The following TBATA variants were observed in gnomAD, a reference collection of about 807,000 sequenced individuals.
TBATA encodes the protein thymus, brain and testes associated.
Under a neutral mutation model 38.7 loss-of-function variants are expected in TBATA, and 47 were observed. The observed-to-expected ratio is 1.21, with a 90% confidence interval of 0.96 to 1.55. TBATA has a LOEUF of 1.55. Ranked by LOEUF, TBATA falls within the 40% of genes most tolerant of loss-of-function variation. TBATA has a pLI of 0.00. For synonymous variants in TBATA, 183 were observed against 170.5 expected, an observed-to-expected ratio of 1.07 and a Z score of -0.57; for missense variants, 436 against 435.6, an observed-to-expected ratio of 1.00 and a Z score of -0.01.
In TBATA at chr10:70,783,452, C is replaced by T; in HGVS notation, c.-73G>A. The T allele has an allele frequency of 2.6e-6, 4 of 1,549,528 alleles. No homozygotes were observed. Among genetic ancestry groups the T allele is most frequent in the Non-Finnish European group, 3.6e-6 (4 of 1,123,930 alleles). On this transcript the variant is annotated 5_prime_UTR_variant, in exon 3 of 11. In the 5' UTR this introduces an upstream ATG that the reference lacks. Coordinates refer to ENST00000456372, the MANE Select transcript of TBATA (RefSeq NM_001318241.2). Reference sequence around the variant, plus strand: ...TGAGGATGCAGAACAGGAACTCTCACTTAATACTAGTGTTGAGGATGCAGA... The same window carrying T: ...TGAGGATGCAGAACAGGAACTCTCATTTAATACTAGTGTTGAGGATGCAGA...
intron 4 of TBATA, among the ~76,000 whole-genome samples, chr10:70,781,374 G>A (rs6480464): frequency 0.071 from 10,816 of 152,248 alleles, 584 homozygotes; most frequent in African/African-American, 0.15. Context: ...GCTCCAGGAG[G>A]GGGGCCACCA....
intron 5 of TBATA, among the ~76,000 whole-genome samples, chr10:70,778,936 C>T (rs1843772977): frequency 6.6e-6 from 1 of 152,192 alleles, no homozygotes; most frequent in South Asian, 2.1e-4. Flanking sequence ...GTTACCTGTG[C>T]CAAGATGCAC....
Position 70,771,331 on chromosome 10 carries a change from C to A in TBATA, c.*45G>T. ...GTGGAGACAGAAACACCCCTGAACC[C>A]TTGGGGCTGCTCTTGAGCAAGGCAG... On this transcript the variant is annotated 3_prime_UTR_variant, in exon 11 of 11. Transcript: ENST00000456372. 3 of 1,614,026 alleles carry A rather than the reference C, an allele frequency of 1.9e-6. No individual in the cohort carries two copies. The highest frequency in any genetic ancestry group is 2.5e-6 in the Non-Finnish European group (3 of 1,179,914).
intron 4 of TBATA, among the ~76,000 whole-genome samples, chr10:70,781,116 G>C (rs1844159051): frequency 6.6e-6 from 1 of 152,200 alleles, no homozygotes. Context: ...AGCCAGACCA[G>C]CTTCTGCTTC....
chr10:70,773,484 G>A (rs1056998867), intron 9 of TBATA, among the ~76,000 whole-genome samples: 34 of 140,648 alleles, frequency 2.4e-4, no homozygotes, highest in African/African-American at 7.5e-4. Context: ...GCTTCACCCC[G>A]GCCTGCTATG....
In TBATA at chr10:70,781,881, G is replaced by A; in HGVS notation, c.197C>T (p.Thr66Ile). Reference protein sequence around the residue: ...LRTPKPQTPGTYCFGRLSHHS... With the variant: ...LRTPKPQTPGIYCFGRLSHHS... Reference sequence around the variant, plus strand: ...GTGACTGAGGCGTCCAAAGCAGTAGGTGCCAGGGGTTTGGGGCTTTGGGGT... The same window carrying A: ...GTGACTGAGGCGTCCAAAGCAGTAGATGCCAGGGGTTTGGGGCTTTGGGGT... The change falls in exon 4 of 11, where the codon ACC (threonine) becomes ATC (isoleucine). Residue 66 changes from threonine to isoleucine, a missense_variant. Coordinates refer to ENST00000456372, the MANE Select transcript of TBATA (RefSeq NM_001318241.2). 4.3e-6 allele frequency: 7 copies of A among 1,614,212 alleles called. No homozygotes were observed. The highest frequency in any genetic ancestry group is 5.9e-6 in the Non-Finnish European group (7 of 1,180,014).
chr10:70,782,762 A>G (rs897864119), intron 3 of TBATA: 1 of 535,308 alleles, frequency 1.9e-6, no homozygotes, highest in African/African-American at 2.1e-5. Flanking sequence ...GAAGGTCAAG[A>G]TCAGCAAAGG....
At chr10:70,778,776 C>T (rs551828303) in intron 5 of TBATA, 140 bp from the exon 6 acceptor site, 2 of 780,300 alleles carry the variant, frequency 2.6e-6, no homozygotes, top group East Asian at 2.6e-5. Flanking sequence ...GGAGGCGGTG[C>T]CCTGGAGGGA....
rs1196428599 is a variant in TBATA, at chr10:70,781,919, G to A, written c.159C>T (p.Arg53=). Residue 53 remains arginine (R), a synonymous_variant, in exon 4 of 11, where the codon CGC becomes CGT. Coordinates refer to ENST00000456372, the MANE Select transcript of TBATA (RefSeq NM_001318241.2). ...GGGGCTTTGGGGTCCTCAATGCCCGGCGGATCCGCTCGAAATCCACAATCC... is the reference window on the plus strand; with the variant it reads ...GGGGCTTTGGGGTCCTCAATGCCCGACGGATCCGCTCGAAATCCACAATCC... ...IPGIVDFERI[R]RALRTPKPQT... 1.9e-6 allele frequency: 3 copies of A among 1,614,226 alleles called. No homozygotes were observed. The highest frequency in any genetic ancestry group is 2.5e-6 in the Non-Finnish European group (3 of 1,180,026).
intron 3 of TBATA, 196 bp from the exon 4 acceptor site, chr10:70,782,232 TC>T (rs2132974274): frequency 7.2e-7 from 1 of 1,379,622 alleles, no homozygotes; most frequent in Non-Finnish European, 9.9e-7. Flanking sequence ...TGCAATCCTG[TC>T]CTGGTTAGTC....
chr10:70,774,252 A>G lies in TBATA; in HGVS notation c.881T>C (p.Val294Ala). ...TEKLLSQLPE[V>A]HEPPQEKQEP... ...TTGCTTCTCTTGAGGAGGTTCATGC[A>G]CTTCTGGAAGCTGGCTTAGGAGCTT... is the stretch of plus-strand genomic sequence containing the variant. The change falls in exon 9 of 11, where the codon GTG (valine) becomes GCG (alanine). Residue 294 changes from valine to alanine, a missense_variant. Coordinates refer to ENST00000456372, the MANE Select transcript of TBATA (RefSeq NM_001318241.2). 2.5e-6 allele frequency: 4 copies of G among 1,612,294 alleles called. No homozygotes were observed. Among genetic ancestry groups the G allele is most frequent in the Non-Finnish European group, 1.7e-6 (2 of 1,179,670 alleles).
In TBATA at chr10:70,785,341, G is replaced by A. The variant is rs1844745567; in HGVS notation, c.-330C>T. ...GAAGCCCTGCTGTCCTAGCAGGAAGGAGCAAGAGGACAAATCGAGGGGAAG... is the reference window on the plus strand; with the variant it reads ...GAAGCCCTGCTGTCCTAGCAGGAAGAAGCAAGAGGACAAATCGAGGGGAAG... On this transcript the variant is annotated 5_prime_UTR_variant, in exon 1 of 11. Coordinates refer to ENST00000456372, the MANE Select transcript of TBATA (RefSeq NM_001318241.2). The A allele has an allele frequency of 6.6e-6, 1 of 152,450 alleles. No homozygotes were observed. The highest frequency in any genetic ancestry group is 2.4e-5 in the African/African-American group (1 of 41,446). 9.4% of individuals were successfully genotyped at this position (152,450 alleles called of 1,614,324 possible).
chr10:70,775,337 T>G, intron 7 of TBATA, 67 bp from the exon 8 acceptor site: 4 of 1,420,398 alleles, frequency 2.8e-6, no homozygotes, highest in Non-Finnish European at 4.0e-6. Context: ...AATGTAGGTT[T>G]GGAGGGCACC....
intron 3 of TBATA, chr10:70,782,256 G>T (rs1468868173): frequency 2.8e-6 from 4 of 1,446,962 alleles, no homozygotes; most frequent in Non-Finnish European, 3.7e-6. Flanking sequence ...CCTTATCAGG[G>T]AGCTGGCATC....
At chr10:70,777,741 C>T (rs1234801299) in intron 6 of TBATA, 2 of 417,872 alleles carry the variant, frequency 4.8e-6, no homozygotes, top group Admixed American at 3.0e-5. Flanking sequence ...CAGCATCCTG[C>T]ACCAAGGGCC....
intron 4 of TBATA, among the ~76,000 whole-genome samples, chr10:70,780,775 T>C (rs1158279823): frequency 6.6e-6 from 1 of 152,124 alleles, no homozygotes; most frequent in African/African-American, 2.4e-5. Flanking sequence ...TCCCAGGTGC[T>C]CAAGCCAAAA....
chr10:70,772,414 G>T, intron 10 of TBATA, 100 bp downstream of exon 10: 1 of 1,076,836 alleles, frequency 9.3e-7, no homozygotes, highest in Non-Finnish European at 1.4e-6. Context: ...CAGCATCCTT[G>T]GGCAGGGACT....
intron 2 of TBATA, among the ~76,000 whole-genome samples, chr10:70,784,046 T>A (rs1844588005): frequency 6.6e-6 from 1 of 152,212 alleles, no homozygotes; most frequent in Non-Finnish European, 1.5e-5. Context: ...TTTTCTTTCA[T>A]AAATGGTTTA....
intron 7 of TBATA, among the ~76,000 whole-genome samples, chr10:70,775,683 A>T (rs1394761543): frequency 6.6e-6 from 1 of 152,116 alleles, no homozygotes; most frequent in Admixed American, 6.5e-5. Flanking sequence ...CTCCTCAGAG[A>T]CACACCAAAT....
Sources: allele counts gnomAD v4.1 joint callset (sites outside exome capture counted in the v4.1 genomes callset), GRCh38; gene constraint gnomAD v4.1.1; transcripts MANE v1.5; gene names NCBI Gene and HGNC (gene_info 2026-07-23, HGNC 2026-07-21).